CTTNBP2: variants seen among roughly 807,000 people sequenced by gnomAD.
The protein encoded by CTTNBP2 is cortactin-binding protein 2.
A neutral mutation model predicts 156.9 loss-of-function variants in CTTNBP2; 108 were observed. The observed-to-expected ratio is 0.69, with a 90% CI of 0.59 to 0.81. CTTNBP2 has a LOEUF of 0.81. Ranked by LOEUF, CTTNBP2 falls within the 30% of genes least tolerant of loss-of-function variation. The probability of loss-of-function intolerance (pLI) is 0.00; values close to 1 mark genes in which losing one functional copy is unlikely to be tolerated. For missense variants in CTTNBP2, 1,924 were observed against 2,035.4 expected, an observed-to-expected ratio of 0.95 and a Z score of 1.05; for synonymous variants, 767 against 751.8, an observed-to-expected ratio of 1.02 and a Z score of -0.33.
At chr7:117,739,951 T>A (rs1319284258) in intron 14 of CTTNBP2, among the ~76,000 whole-genome samples, 2 of 152,156 alleles carry the variant, frequency 1.3e-5, no homozygotes, top group Non-Finnish European at 2.9e-5. Flanking sequence ...AAAATACCCA[T>A]CTAGTGTTTA....
At chr7:117,767,963 A>G (rs146840909) in intron 8 of CTTNBP2, among the ~76,000 whole-genome samples, 4 of 152,310 alleles carry the variant, frequency 2.6e-5, no homozygotes, top group Non-Finnish European at 4.4e-5. Flanking sequence ...TCCTGTATCA[A>G]TGTTTACCAC....
chr7:117,735,324 G>A lies in CTTNBP2; in HGVS notation c.3633C>T (p.Asp1211=), dbSNP rs764574543. The A allele has an allele frequency of 6.2e-7, 1 of 1,614,020 alleles. No homozygotes were observed. The highest frequency in any genetic ancestry group is 1.1e-5 in the South Asian group (1 of 91,048). ...EKSSLSELLR[D]FLAPLENRST... is the part of the protein sequence containing the mutation. ...TGCGATTTTCAAGAGGTGCCAAAAA[G>A]TCCCTCAATAACTCCGACAGTGAAG... The change falls in exon 15 of 23, where the codon GAC becomes GAT. Residue 1211 remains aspartate, a synonymous_variant. Transcript: ENST00000160373.
intron 8 of CTTNBP2, among the ~76,000 whole-genome samples, chr7:117,768,962 T>G (rs926750190): frequency 9.9e-5 from 15 of 152,208 alleles, no homozygotes; most frequent in African/African-American, 3.4e-4. Flanking sequence ...ACAATTTACT[T>G]ATCCATTCTC....
At chr7:117,862,637 G>A (rs1399170818) in intron 1 of CTTNBP2, among the ~76,000 whole-genome samples, 1 of 152,148 alleles carries the variant, frequency 6.6e-6, no homozygotes, top group East Asian at 1.9e-4. Context: ...CATTTGACAA[G>A]CTCAGTCACC....
At chr7:117,748,594 C>T (rs1489438015) in intron 12 of CTTNBP2, among the ~76,000 whole-genome samples, 1 of 152,286 alleles carries the variant, frequency 6.6e-6, no homozygotes, top group East Asian at 1.9e-4. Flanking sequence ...TAGTCAAGTG[C>T]AACTTTATGC....
At chr7:117,846,856 T>C (rs1439530025) in intron 2 of CTTNBP2, among the ~76,000 whole-genome samples, 1 of 152,084 alleles carries the variant, frequency 6.6e-6, no homozygotes, top group Non-Finnish European at 1.5e-5. Context: ...TTTATATAAT[T>C]TAATGTTTTC....
chr7:117,743,761 CAAAAAA>C (rs556372208), intron 14 of CTTNBP2, among the ~76,000 whole-genome samples: 5 of 19,634 alleles, frequency 2.5e-4, no homozygotes, highest in African/African-American at 7.4e-4. Flanking sequence ...GACTCTGTCT[CAAAAAA>C]AAAAAAAAAA....
intron 2 of CTTNBP2, among the ~76,000 whole-genome samples, chr7:117,822,404 T>C (rs1248969058): frequency 6.6e-6 from 1 of 152,176 alleles, no homozygotes; most frequent in East Asian, 1.9e-4. Flanking sequence ...AAAAAGTTTT[T>C]CCCTTCTACT....
intron 2 of CTTNBP2, among the ~76,000 whole-genome samples, chr7:117,845,214 T>C (rs1802514067): frequency 6.6e-6 from 1 of 152,104 alleles, no homozygotes; most frequent in Admixed American, 6.5e-5. Context: ...CAATAGTTCA[T>C]GGGGTCTAAG....
chr7:117,791,414 C>A lies in CTTNBP2; in HGVS notation c.1782G>T (p.Gly594=). 6.2e-7 allele frequency: 1 copy of A among 1,614,166 alleles called. No individual in the cohort carries two copies. Among genetic ancestry groups the A allele is most frequent in the African/African-American group, 1.3e-5 (1 of 75,020 alleles). The change falls in exon 4 of 23, where the codon GGG becomes GGT. Residue 594 remains glycine (G), a synonymous_variant. Transcript: ENST00000160373. ...VASTPSSLPQ[G]NRVINEENLP... ...GGTTCTCCTCATTGATCACCCTGTTCCCTTGTGGCAAACTGGAAGGAGTCG... is the reference window on the plus strand; with the variant it reads ...GGTTCTCCTCATTGATCACCCTGTTACCTTGTGGCAAACTGGAAGGAGTCG...
chr7:117,870,868 C>G (rs940282223), intron 1 of CTTNBP2, among the ~76,000 whole-genome samples: 2 of 152,194 alleles, frequency 1.3e-5, no homozygotes, highest in African/African-American at 4.8e-5. Flanking sequence ...GGGATGCTTT[C>G]AGGATTTAAA....
intron 2 of CTTNBP2, among the ~76,000 whole-genome samples, chr7:117,858,852 C>T (rs1351285725): frequency 6.6e-6 from 1 of 152,126 alleles, no homozygotes; most frequent in Admixed American, 6.6e-5. Context: ...TTGCTTGCAA[C>T]TTTACTAAGT....
intron 3 of CTTNBP2, among the ~76,000 whole-genome samples, chr7:117,809,275 A>G (rs1466477792): frequency 6.6e-6 from 1 of 152,218 alleles, no homozygotes; most frequent in Non-Finnish European, 1.5e-5. Flanking sequence ...GAGTTTTGTT[A>G]AAGGCAGAAC....
In CTTNBP2 at chr7:117,871,339, A is replaced by G. The variant is rs116399576; in HGVS notation, c.81+1996T>C. Among the ~76,000 whole-genome samples, 858 of 152,324 alleles carry G rather than the reference A, an allele frequency of 5.6e-3. 9 individuals carry two copies. Among genetic ancestry groups the G allele is most frequent in the African/African-American group, 0.018 (767 of 41,574 alleles). ...TTGGAGAACTAAAATAAAAGGCCCA[A>G]TTTACTACAAAAGCCATCATCAAAA... On this transcript the variant is annotated intron_variant, in intron 1 of 22. Coordinates refer to ENST00000160373, the MANE Select transcript of CTTNBP2 (RefSeq NM_033427.3).
chr7:117,792,045 T>C lies in CTTNBP2; in HGVS notation c.1151A>G (p.Asn384Ser). The C allele has an allele frequency of 6.2e-7, 1 of 1,614,070 alleles. No individual in the cohort carries two copies. The highest frequency in any genetic ancestry group is 8.5e-7 in the Non-Finnish European group (1 of 1,180,002). Residue 384 changes from asparagine to serine, a missense_variant, in exon 4 of 23, where the codon AAT (asparagine) becomes AGT (serine). Asn to Ser is a conservative substitution (Grantham distance 46, BLOSUM62 1). Coordinates refer to ENST00000160373, the MANE Select transcript of CTTNBP2 (RefSeq NM_033427.3). The surrounding 1 kb of genome is among the most constrained non-coding windows in gnomAD (Gnocchi z 4.2). Reference protein sequence around the residue: ...PPPSANKIEENGPSTGSTPDP... With the variant: ...PPPSANKIEESGPSTGSTPDP... ...TGGTGTTGAGCCAGTGCTTGGTCCA[T>C]TTTCCTCAATTTTGTTTGCACTTGG...
intron 22 of CTTNBP2, among the ~76,000 whole-genome samples, chr7:117,712,827 T>C (rs1444036291): frequency 6.6e-6 from 1 of 152,148 alleles, no homozygotes; most frequent in African/African-American, 2.4e-5. Context: ...CATACGATTT[T>C]AAAAAATCTT....
At position 117,786,419 on chromosome 7, in the gene CTTNBP2, G is replaced by T. The variant is rs962648410; in HGVS notation, c.2069-1965C>A. 4.2e-5 allele frequency: 18 copies of T among 428,456 alleles called. 1 individual carries two copies. In the Admixed American group the frequency reaches 4.5e-4, roughly 11 times the overall value. The allele number at this position is 428,456 out of a possible 1,614,324, so 26.5% of individuals were successfully genotyped here. ...TCCTCTCTGGTACATTTTACCTTTT[G>T]TATTTTCTTAAAAACAAACAAACAA... On this transcript the variant is annotated intron_variant, in intron 4 of 22. Transcript: ENST00000160373.
rs191509926 is a variant in CTTNBP2 at position 117,818,459 on chromosome 7, C to T, written c.190-7470G>A. On this transcript the variant is annotated intron_variant, in intron 2 of 22. Coordinates refer to ENST00000160373, the MANE Select transcript of CTTNBP2 (RefSeq NM_033427.3). ...TCAACTCTGACAAGATGGACTTTTTCAGGAAGAAATGTGAGTCAGTTCTTG... is the reference window on the plus strand; with the variant it reads ...TCAACTCTGACAAGATGGACTTTTTTAGGAAGAAATGTGAGTCAGTTCTTG... Among the ~76,000 whole-genome samples, 20 of 152,240 alleles carry T rather than the reference C, an allele frequency of 1.3e-4. 1 individual carries two copies. The East Asian group carries it at 3.9e-3, about 29-fold the overall frequency.
chr7:117,867,233 C>T (rs1403040668), intron 1 of CTTNBP2, among the ~76,000 whole-genome samples: 1 of 152,138 alleles, frequency 6.6e-6, no homozygotes, highest in East Asian at 1.9e-4. Context: ...GATGGGGTTG[C>T]ATACCTCTGA....
Sources: allele counts gnomAD v4.1 joint callset (sites outside exome capture counted in the v4.1 genomes callset), GRCh38; gene constraint gnomAD v4.1.1; non-coding constraint Gnocchi (gnomAD v3.1); transcripts MANE v1.5; gene names NCBI Gene and HGNC (gene_info 2026-07-23, HGNC 2026-07-21).